FSIP2: variants seen among roughly 807,000 people sequenced by gnomAD.
FSIP2 encodes the protein fibrous sheath interacting protein 2.
In FSIP2, 367 loss-of-function variants were observed where a neutral mutation model predicts 510.5. That is an observed-to-expected ratio of 0.72 (90% CI 0.66 to 0.78). The LOEUF (loss-of-function observed/expected upper bound fraction) is 0.78. FSIP2 is among the 30% of genes least tolerant of loss of function. The probability of loss-of-function intolerance (pLI) is 0.00; values close to 1 mark genes in which losing one functional copy is unlikely to be tolerated. For synonymous variants in FSIP2, 2,601 were observed against 2,732.2 expected (o/e 0.95, Z 1.50); for missense variants, 7,594 against 7,901.7 (o/e 0.96, Z 1.48).
intron 9 of FSIP2, among the ~76,000 whole-genome samples, chr2:185,758,044 TAGTTC>T (rs1157557287): frequency 3.3e-5 from 5 of 151,234 alleles, no homozygotes; most frequent in African/African-American, 1.2e-4. Flanking sequence ...CTCATAACTA[TAGTTC>T]ATTTTCTGTT....
intron 2 of FSIP2, 24 bp from the exon 3 acceptor site, chr2:185,743,109 A>T (rs767912732): frequency 7.2e-7 from 1 of 1,383,618 alleles, no homozygotes; most frequent in South Asian, 1.5e-5. Context: ...TTAATTTTAC[A>T]TATTTTTGAA....
Position 185,808,783 on chromosome 2 carries a change from C to A in FSIP2, c.19477C>A (p.Gln6493Lys). 6.2e-7 allele frequency: 1 copy of A among 1,612,600 alleles called. No homozygotes were observed. The highest frequency in any genetic ancestry group is 8.5e-7 in the Non-Finnish European group (1 of 1,179,452). Residue 6493 changes from glutamine (Q) to lysine (K), a missense_variant, in exon 17 of 23, where the codon CAA (glutamine) becomes AAA (lysine). Transcript: ENST00000424728. ...LDVNRIVQKAQEHAFNVIPEL... is the reference protein window; with the variant it reads ...LDVNRIVQKAKEHAFNVIPEL... ...CGTTAATAGAATTGTTCAAAAGGCC[C>A]AAGAACATGCTTTTAATGTGATTCC...
intron 17 of FSIP2, among the ~76,000 whole-genome samples, chr2:185,812,738 A>C (rs866109376): frequency 1.3e-5 from 2 of 152,098 alleles, no homozygotes; most frequent in Non-Finnish European, 2.9e-5. Context: ...CAGATAATCA[A>C]AATTTATTTT....
intron 17 of FSIP2, among the ~76,000 whole-genome samples, chr2:185,809,492 C>T (rs7355660): frequency 0.11 from 16,918 of 151,838 alleles, 986 homozygotes; most frequent in Middle Eastern, 0.14. Context: ...TTCCTTAGTT[C>T]GTTATGGATA....
Position 185,802,439 on chromosome 2 carries a change from A to G in FSIP2, c.13133A>G (p.Tyr4378Cys). ...GTGGATGAACTTGCCACCTCAGTTT[A>G]TAGAAATGCTTTAAAGCAGCATGGG... is the stretch of plus-strand genomic sequence containing the variant. The part of the protein sequence containing the change: ...DIVDELATSV[Y>C]RNALKQHGLD... The change falls in exon 17 of 23, where the codon TAT becomes TGT. Residue 4378 changes from tyrosine to cysteine, a missense_variant. Transcript: ENST00000424728. 1 of 1,534,000 alleles carries G rather than the reference A, an allele frequency of 6.5e-7. No homozygotes were observed. Among genetic ancestry groups the G allele is most frequent in the Non-Finnish European group, 8.7e-7 (1 of 1,145,498 alleles).
intron 19 of FSIP2, among the ~76,000 whole-genome samples, chr2:185,818,422 AG>A (rs1200892357): frequency 6.6e-6 from 1 of 151,936 alleles, no homozygotes; most frequent in Admixed American, 6.6e-5. Flanking sequence ...TGAGGAAACA[AG>A]GGCTGAAACT....
intron 13 of FSIP2, among the ~76,000 whole-genome samples, chr2:185,770,326 T>C (rs1207680946): frequency 6.6e-6 from 1 of 152,162 alleles, no homozygotes; most frequent in Non-Finnish European, 1.5e-5. Context: ...TTTCATTCAT[T>C]TTCTGGTTGT....
chr2:185,793,940 A>G lies in FSIP2; in HGVS notation c.6804A>G (p.Arg2268=). 1.3e-6 allele frequency: 2 copies of G among 1,526,614 alleles called. No homozygotes were observed. The highest frequency in any genetic ancestry group is 1.8e-6 in the Non-Finnish European group (2 of 1,142,756). 94.6% of individuals were successfully genotyped at this position (1,526,614 alleles called of 1,614,324 possible). The change falls in exon 16 of 23, where the codon AGA becomes AGG. Residue 2268 remains arginine (R), a synonymous_variant. Coordinates refer to ENST00000424728, the MANE Select transcript of FSIP2 (RefSeq NM_173651.4). ...FKRLESFATE[R]IDSLITLAFQ... ...GTTTGGAATCTTTTGCCACAGAAAG[A>G]ATAGATTCATTAATTACCCTTGCTT...
Position 185,797,288 on chromosome 2 carries a change from G to C in FSIP2, c.10152G>C (p.Met3384Ile). ...ATAACGAAAAAAGTTTGCTTAGAAT[G>C]CAGGATAAAAAAATCAACTATATAC... ...QKDNEKSLLR[M>I]QDKKINYIPE... Residue 3384 changes from methionine to isoleucine, a missense_variant, in exon 16 of 23, where the codon ATG (methionine) becomes ATC (isoleucine). Met to Ile is a conservative substitution (Grantham distance 10, BLOSUM62 1). Coordinates refer to ENST00000424728, the MANE Select transcript of FSIP2 (RefSeq NM_173651.4). 1 of 1,533,110 alleles carries C rather than the reference G, an allele frequency of 6.5e-7. No homozygotes were observed. Among genetic ancestry groups the C allele is most frequent in the Non-Finnish European group, 8.7e-7 (1 of 1,145,822 alleles). The allele number at this position is 1,533,110 out of a possible 1,614,324, so 95.0% of individuals were successfully genotyped here.
intron 20 of FSIP2, among the ~76,000 whole-genome samples, chr2:185,827,163 C>A (rs1000969994): frequency 1.5e-4 from 23 of 151,710 alleles, no homozygotes; most frequent in African/African-American, 5.6e-4. Context: ...GATTTAGGCG[C>A]TTTTTAGGAA....
Position 185,795,085 on chromosome 2 carries a change from T to G in FSIP2, c.7949T>G (p.Val2650Gly). 3 of 1,534,802 alleles carry G rather than the reference T, an allele frequency of 2.0e-6. No homozygotes were observed. The highest frequency in any genetic ancestry group is 2.6e-6 in the Non-Finnish European group (3 of 1,146,050). Residue 2650 changes from valine (V) to glycine (G), a missense_variant, in exon 16 of 23, where the codon GTG becomes GGG. Val to Gly is a moderately radical substitution (Grantham distance 109, BLOSUM62 -3). Transcript: ENST00000424728. ...ITNFVSLPLK[V>G]SPKDNPKPCF... ...AATTTTGTCTCACTTCCTTTAAAGG[T>G]GAGCCCTAAGGACAACCCTAAGCCA...
At position 185,794,241 on chromosome 2, in the gene FSIP2, T is replaced by A. The variant is rs955124812; in HGVS notation, c.7105T>A (p.Leu2369Ile). 6.5e-7 allele frequency: 1 copy of A among 1,533,814 alleles called. No homozygotes were observed. The highest frequency in any genetic ancestry group is 8.7e-7 in the Non-Finnish European group (1 of 1,145,466). ...GAAGCTTATTAAAAATGACTTAGAC[T>A]TAGAAATTCAAAAGATATATCCATA... ...ILKLIKNDLD[L>I]EIQKIYPYQN... The change falls in exon 16 of 23, where the codon TTA becomes ATA. Residue 2369 changes from leucine (L) to isoleucine (I), a missense_variant. Physicochemically the swap from Leu to Ile is conservative, Grantham distance 5. Coordinates refer to ENST00000424728, the MANE Select transcript of FSIP2 (RefSeq NM_173651.4).
upstream of FSIP2, chr2:185,738,763 T>C (rs1329891223): frequency 1.3e-6 from 2 of 1,535,776 alleles, no homozygotes; most frequent in African/African-American, 2.7e-5. Flanking sequence ...ATTGGAAGCC[T>C]GGAACGCGGG....
chr2:185,780,148 C>T (rs1200278666), intron 13 of FSIP2, among the ~76,000 whole-genome samples: 4 of 150,834 alleles, frequency 2.7e-5, no homozygotes, highest in African/African-American at 9.7e-5. Flanking sequence ...GTAAGTGATT[C>T]TTCCGTCCCC....
chr2:185,779,531 C>G (rs982775843), intron 13 of FSIP2, among the ~76,000 whole-genome samples: 1 of 151,976 alleles, frequency 6.6e-6, no homozygotes, highest in African/African-American at 2.4e-5. Flanking sequence ...TAAATTTACT[C>G]TTCTAGTTAT....
chr2:185,763,552 T>A lies in FSIP2; in HGVS notation c.1347+263T>A, dbSNP rs543821286. The stretch of plus-strand genomic sequence containing the variant: ...TTCTTTGACTGGGCTTGTACAGTAA[T>A]GATTTAGTACTTTTTGACCAGTGAT... On this transcript the variant is annotated intron_variant, in intron 12 of 22. Transcript: ENST00000424728. Among the ~76,000 whole-genome samples, 4 of 151,704 alleles carry A rather than the reference T, an allele frequency of 2.6e-5. No individual in the cohort carries two copies. In the South Asian group the frequency reaches 6.2e-4, roughly 24 times the overall value.
chr2:185,793,615 T>C lies in FSIP2; in HGVS notation c.6479T>C (p.Val2160Ala). 1.3e-6 allele frequency: 2 copies of C among 1,534,172 alleles called. No individual in the cohort carries two copies. The highest frequency in any genetic ancestry group is 1.2e-5 in the South Asian group (1 of 84,022). The change falls in exon 16 of 23, where the codon GTG (valine) becomes GCG (alanine). Residue 2160 changes from valine (V) to alanine (A), a missense_variant. Transcript: ENST00000424728. Reference sequence around the variant, plus strand: ...GTCATTTTGATATCCAATGATATAGTGAATATTGTTCTTCATAATCTCAGT... The same window carrying C: ...GTCATTTTGATATCCAATGATATAGCGAATATTGTTCTTCATAATCTCAGT... ...SDVILISNDI[V>A]NIVLHNLSSA...
intron 7 of FSIP2, among the ~76,000 whole-genome samples, chr2:185,750,449 TC>T (rs1291937617): frequency 6.6e-6 from 1 of 151,622 alleles, no homozygotes; most frequent in Non-Finnish European, 1.5e-5. Context: ...ATTTCTAGAC[TC>T]TGGTGATGTC....
chr2:185,769,124 G>C (rs967297387), intron 13 of FSIP2, among the ~76,000 whole-genome samples: 2 of 152,098 alleles, frequency 1.3e-5, no homozygotes, highest in Non-Finnish European at 2.9e-5. Context: ...TGATAGAATG[G>C]TGTATGGTTC....
Sources: gnomAD v4.1 joint callset for allele counts (sites outside exome capture counted in the v4.1 genomes callset) on GRCh38, gnomAD v4.1.1 for gene constraint, MANE v1.5 for transcripts, NCBI Gene and HGNC (gene_info 2026-07-23, HGNC 2026-07-21) for gene names.